The following AP2B1 variants were observed in gnomAD, a reference collection of about 807,000 sequenced individuals.
The protein encoded by AP2B1 is AP-2 complex subunit beta.
Under a neutral mutation model 102.0 loss-of-function variants are expected in AP2B1, and 23 were observed. The observed-to-expected ratio is 0.23, with a 90% CI of 0.16 to 0.32. The LOEUF is 0.32. Among genes scored for constraint, AP2B1 ranks in the 10% least tolerant of loss-of-function variants. AP2B1 has a pLI of 1.00. For synonymous variants in AP2B1, 381 were observed against 421.2 expected (o/e 0.90, Z 1.17); for missense variants, 541 against 1,157.4 (o/e 0.47, Z 7.73).
At chr17:35,612,007 A>G (rs1009429406) in intron 5 of AP2B1, among the ~76,000 whole-genome samples, 2 of 152,220 alleles carry the variant, frequency 1.3e-5, no homozygotes, top group Non-Finnish European at 2.9e-5. Flanking sequence ...GAAAATTTAA[A>G]GCTACTTGGT....
At chr17:35,681,047 T>A (rs2075814201) in intron 17 of AP2B1, among the ~76,000 whole-genome samples, 1 of 152,104 alleles carries the variant, frequency 6.6e-6, no homozygotes, top group Non-Finnish European at 1.5e-5. Flanking sequence ...TCCTCCCACA[T>A]ATGTATTTGT....
chr17:35,626,527 T>C, intron 6 of AP2B1, 94 bp from the exon 7 acceptor site: 1 of 1,028,720 alleles, frequency 9.7e-7, no homozygotes, highest in African/African-American at 1.6e-5. Context: ...AATTTTTTGA[T>C]ACTTGGCCAT....
chr17:35,588,234 G>A (rs528050274), intron 1 of AP2B1, among the ~76,000 whole-genome samples: 1 of 151,426 alleles, frequency 6.6e-6, no homozygotes, highest in Non-Finnish European at 1.5e-5. Flanking sequence ...TCTATTGGAG[G>A]GGTGGGGTGG....
chr17:35,657,621 G>C lies in AP2B1; in HGVS notation c.1819G>C (p.Val607Leu), dbSNP rs1404939760. ...TAGCACTGATGCAGGTGACAGCCCT[G>C]TTGGCACTACCACTGCAACGAACCT... is the stretch of plus-strand genomic sequence containing the variant. ...HGSTDAGDSPVGTTTATNLEQ... is the reference protein window; with the variant it reads ...HGSTDAGDSPLGTTTATNLEQ... The change falls in exon 14 of 22, where the codon GTT becomes CTT. Residue 607 changes from valine (V) to leucine (L), a missense_variant. Physicochemically the swap from Val to Leu is conservative, Grantham distance 32 (BLOSUM62 1). This residue lies in a region of AP2B1 where 39 missense variants were observed against 42.0 expected (regional missense o/e 0.93). Coordinates refer to ENST00000610402, the MANE Select transcript of AP2B1 (RefSeq NM_001030006.2). 6.2e-7 allele frequency: 1 copy of C among 1,613,786 alleles called. No individual in the cohort carries two copies. Among genetic ancestry groups the C allele is most frequent in the African/African-American group, 1.3e-5 (1 of 75,040 alleles).
At chr17:35,610,861 C>T (rs549867097) in intron 5 of AP2B1, among the ~76,000 whole-genome samples, 11 of 148,862 alleles carry the variant, frequency 7.4e-5, no homozygotes, top group Admixed American at 2.7e-4. Flanking sequence ...GAGCCGAGGT[C>T]GTGCCACTGC....
intron 11 of AP2B1, 72 bp downstream of exon 11, chr17:35,639,832 T>G (rs2074715848): frequency 2.9e-6 from 4 of 1,367,404 alleles, no homozygotes; most frequent in Non-Finnish European, 4.0e-6. Context: ...AAGCAAAGGT[T>G]ATAGGCAGTT....
chr17:35,645,662 C>T (rs1488039528), intron 12 of AP2B1, among the ~76,000 whole-genome samples: 1 of 152,038 alleles, frequency 6.6e-6, no homozygotes, highest in Admixed American at 6.6e-5. Context: ...CCAGCCTGAC[C>T]AAAATGGAGA....
chr17:35,686,719 C>G (rs1239850259), intron 18 of AP2B1, among the ~76,000 whole-genome samples: 1 of 152,156 alleles, frequency 6.6e-6, no homozygotes, highest in Non-Finnish European at 1.5e-5. Context: ...AATCCCAGCA[C>G]TTTGGGAGGC....
intron 13 of AP2B1, chr17:35,650,997 A>G (rs2075072758): frequency 5.5e-6 from 3 of 547,282 alleles, no homozygotes; most frequent in South Asian, 5.0e-5. Flanking sequence ...GTGACCACAC[A>G]TAAAATCGGT....
rs374776104 is a variant in AP2B1 at position 35,707,526 on chromosome 17, C to T, written c.2455-1698C>T. Among the ~76,000 whole-genome samples the T allele has an allele frequency of 1.4e-4, 20 of 147,766 alleles. No individual in the cohort carries two copies. The East Asian group carries it at 3.1e-3, about 23-fold the overall frequency. On this transcript the variant is annotated intron_variant, in intron 18 of 21. Transcript: ENST00000610402. ...GGAGTGCGGTGGCGCTATCTCAGCT[C>T]ACTGCAGCCTCCACCTCCCAAGTTC... is the stretch of plus-strand genomic sequence containing the variant.
At chr17:35,643,349 CCTTT>C (rs890027738) in intron 12 of AP2B1, among the ~76,000 whole-genome samples, 1 of 152,124 alleles carries the variant, frequency 6.6e-6, no homozygotes, top group African/African-American at 2.4e-5. Context: ...AGAATTTTGG[CCTTT>C]CTTCCTCTCT....
At chr17:35,599,414 A>T (rs1453218899) in intron 3 of AP2B1, among the ~76,000 whole-genome samples, 1 of 152,270 alleles carries the variant, frequency 6.6e-6, no homozygotes, top group Non-Finnish European at 1.5e-5. Context: ...GAAAATTTGT[A>T]TCTCCCATCA....
chr17:35,721,740 G>C (rs1180009876), intron 21 of AP2B1, among the ~76,000 whole-genome samples: 2 of 152,198 alleles, frequency 1.3e-5, no homozygotes, highest in African/African-American at 2.4e-5. Flanking sequence ...GGAACTTCAA[G>C]TATTGTTACA....
intron 20 of AP2B1, among the ~76,000 whole-genome samples, chr17:35,711,543 A>C (rs1555587506): frequency 3.3e-5 from 5 of 150,938 alleles, no homozygotes; most frequent in Admixed American, 6.7e-5. Flanking sequence ...ATCTCGGCTC[A>C]CTGCAAGCTC....
chr17:35,605,907 A>C (rs1180940458), intron 4 of AP2B1, 67 bp downstream of exon 4: 19 of 1,571,338 alleles, frequency 1.2e-5, no homozygotes, highest in Non-Finnish European at 1.6e-5. Context: ...TTCACAAGGA[A>C]GGAGTGTAGG....
At chr17:35,623,971 C>T (rs568052702) in intron 5 of AP2B1, among the ~76,000 whole-genome samples, 2 of 152,232 alleles carry the variant, frequency 1.3e-5, no homozygotes, top group East Asian at 3.9e-4. Flanking sequence ...GTGTCACCTC[C>T]CCCAAACCCA....
Position 35,626,648 on chromosome 17 carries a change from A to G in AP2B1, c.744A>G (p.Leu248=). 3 of 1,613,374 alleles carry G rather than the reference A, an allele frequency of 1.9e-6. No individual in the cohort carries two copies. Among genetic ancestry groups the G allele is most frequent in the Non-Finnish European group, 2.5e-6 (3 of 1,179,796 alleles). ...QSICERVTPR[L]SHANSAVVLS... ...TCTGTGAGCGGGTAACTCCCCGGCTATCCCATGCCAACTCAGCAGTGGTGC... is the reference window on the plus strand; with the variant it reads ...TCTGTGAGCGGGTAACTCCCCGGCTGTCCCATGCCAACTCAGCAGTGGTGC... The change falls in exon 7 of 22, where the codon CTA becomes CTG. Residue 248 remains leucine, a synonymous_variant. Transcript: ENST00000610402.
At chr17:35,625,796 G>A (rs1401814623) in intron 6 of AP2B1, among the ~76,000 whole-genome samples, 1 of 151,994 alleles carries the variant, frequency 6.6e-6, no homozygotes. Context: ...TTTAAAGGAT[G>A]GCCAGGGAAG....
intron 12 of AP2B1, among the ~76,000 whole-genome samples, chr17:35,642,401 A>AT (rs1567881731): frequency 6.6e-6 from 1 of 152,212 alleles, no homozygotes; most frequent in African/African-American, 2.4e-5. Context: ...TTAAGTGTTT[A>AT]TGCTGCTTCC....
Sources: allele counts gnomAD v4.1 joint callset (sites outside exome capture counted in the v4.1 genomes callset), GRCh38; gene constraint gnomAD v4.1.1; regional missense constraint gnomAD v4.1.1; transcripts MANE v1.5; gene names NCBI Gene and HGNC (gene_info 2026-07-23, HGNC 2026-07-21).